Variants in GRID2 observed in about 807,000 individuals in gnomAD.
GRID2 encodes glutamate ionotropic receptor delta type subunit 2.
GRID2 carries 33 observed loss-of-function variants against 114.8 expected under a neutral mutation model. The observed-to-expected ratio is 0.29, with a 90% CI of 0.22 to 0.38. GRID2 has a LOEUF of 0.38. Ranked by LOEUF, GRID2 falls within the 10% of genes least tolerant of loss-of-function variation. The probability of loss-of-function intolerance (pLI) is 1.00; values close to 1 mark genes in which losing one functional copy is unlikely to be tolerated. For missense variants in GRID2, 1,184 were observed against 1,257.7 expected, an observed-to-expected ratio of 0.94 and a Z score of 0.89; for synonymous variants, 505 against 449.9, an observed-to-expected ratio of 1.12 and a Z score of -1.55.
intron 2 of GRID2, among the ~76,000 whole-genome samples, chr4:92,665,999 T>A (rs952282440): frequency 6.6e-6 from 1 of 151,510 alleles, no homozygotes; most frequent in Non-Finnish European, 1.5e-5. Context: ...ATTTAAATAT[T>A]TTCTCTGCCT....
At chr4:93,216,985 C>T in intron 6 of GRID2, 74 bp downstream of exon 6, 1 of 968,616 alleles carries the variant, frequency 1.0e-6, no homozygotes, top group Admixed American at 1.8e-5. Context: ...TTATGAGTTG[C>T]ATTGGATTCA....
intron 2 of GRID2, among the ~76,000 whole-genome samples, chr4:92,865,834 T>G (rs750648526): frequency 2.6e-5 from 4 of 152,172 alleles, no homozygotes; most frequent in Non-Finnish European, 5.9e-5. Flanking sequence ...AAAGCAAAAA[T>G]ACTCTTGTTT....
Position 93,592,037 on chromosome 4 carries a change from A to T in GRID2, c.2194-34232A>T, listed in dbSNP as rs374523904. 2.0e-4 allele frequency among the ~76,000 whole-genome samples: 30 copies of T among 151,770 alleles called. No individual in the cohort carries two copies. The South Asian group carries it at 2.1e-3, about 10-fold the overall frequency. ...TGGATTCATTAATTTTTTGAAGGGTATTTTGTGTCTCTATTTCCTTCAGTT... is the reference window on the plus strand; with the variant it reads ...TGGATTCATTAATTTTTTGAAGGGTTTTTTGTGTCTCTATTTCCTTCAGTT... On this transcript the variant is annotated intron_variant, in intron 13 of 15. Transcript: ENST00000282020.
At chr4:93,569,754 ATT>A (rs1214179784) in intron 13 of GRID2, among the ~76,000 whole-genome samples, 1 of 151,884 alleles carries the variant, frequency 6.6e-6, no homozygotes, top group Non-Finnish European at 1.5e-5. Context: ...TTCCATGTGT[ATT>A]TCACCTCAAA....
At chr4:92,478,946 A>G (rs568681031) in intron 1 of GRID2, among the ~76,000 whole-genome samples, 7 of 152,188 alleles carry the variant, frequency 4.6e-5, no homozygotes, top group South Asian at 4.1e-4. Context: ...GACATCTCCA[A>G]TGATTTCTCA....
chr4:92,918,376 T>G (rs1749004003), intron 2 of GRID2, among the ~76,000 whole-genome samples: 1 of 152,166 alleles, frequency 6.6e-6, no homozygotes, highest in African/African-American at 2.4e-5. Context: ...TGGCCAGAAC[T>G]TCCAACACTA....
chr4:93,368,691 AG>A (rs1762580447), intron 8 of GRID2, among the ~76,000 whole-genome samples: 2 of 152,130 alleles, frequency 1.3e-5, no homozygotes, highest in Non-Finnish European at 2.9e-5. Context: ...GCTAATGAAA[AG>A]CTAGTCAGCA....
At chr4:92,794,905 T>TATATATATATATATATATACACAC (rs745392261) in intron 2 of GRID2, among the ~76,000 whole-genome samples, 4 of 127,810 alleles carry the variant, frequency 3.1e-5, no homozygotes, top group African/African-American at 1.2e-4. Context: ...TATATATATA[T>TATATATATATATATATATACACAC]ACACACACAC....
At chr4:93,729,948 C>A (rs1353506962) in intron 14 of GRID2, among the ~76,000 whole-genome samples, 1 of 152,170 alleles carries the variant, frequency 6.6e-6, no homozygotes, top group Admixed American at 6.5e-5. Flanking sequence ...ACTGTGCTTT[C>A]TTTTCATCCC....
intron 4 of GRID2, among the ~76,000 whole-genome samples, chr4:93,116,029 TA>T (rs1733212987): frequency 6.6e-6 from 1 of 152,190 alleles, no homozygotes; most frequent in Non-Finnish European, 1.5e-5. Context: ...TGTCATCTCT[TA>T]CCTACCTTTT....
chr4:92,673,252 G>T (rs935129440), intron 2 of GRID2, among the ~76,000 whole-genome samples: 1 of 151,796 alleles, frequency 6.6e-6, no homozygotes, highest in Non-Finnish European at 1.5e-5. Flanking sequence ...TCAATCTTTT[G>T]GATAAATATA....
At chr4:93,058,328 C>T (rs757226606) in intron 2 of GRID2, among the ~76,000 whole-genome samples, 3 of 151,936 alleles carry the variant, frequency 2.0e-5, no homozygotes, top group African/African-American at 7.2e-5. Flanking sequence ...CTATACTTTA[C>T]AGTAAAGTGA....
chr4:93,497,669 C>T (rs768283457), intron 12 of GRID2, among the ~76,000 whole-genome samples: 1 of 151,558 alleles, frequency 6.6e-6, no homozygotes, highest in Non-Finnish European at 1.5e-5. Context: ...GTTGGCCATA[C>T]TATGTGAGTC....
intron 1 of GRID2, among the ~76,000 whole-genome samples, chr4:92,557,241 C>T (rs1035804292): frequency 2.0e-5 from 3 of 151,664 alleles, no homozygotes; most frequent in Non-Finnish European, 2.9e-5. Flanking sequence ...ACACAAGTAA[C>T]CAGATTTTCA....
intron 2 of GRID2, among the ~76,000 whole-genome samples, chr4:93,024,092 C>T (rs561293353): frequency 7.9e-5 from 12 of 151,828 alleles, no homozygotes; most frequent in African/African-American, 2.9e-4. Context: ...AATAAAAAGC[C>T]AGATACGGAA....
intron 9 of GRID2, among the ~76,000 whole-genome samples, chr4:93,398,129 G>GTA (rs1765513758): frequency 3.5e-5 from 4 of 113,152 alleles, no homozygotes; most frequent in African/African-American, 1.7e-4. Context: ...ATGTATGTGT[G>GTA]TGTGTATATA....
intron 8 of GRID2, among the ~76,000 whole-genome samples, chr4:93,274,010 A>G (rs944122830): frequency 6.6e-6 from 1 of 151,638 alleles, no homozygotes; most frequent in Non-Finnish European, 1.5e-5. Flanking sequence ...TTATAATGCA[A>G]ATTAAGATCT....
intron 2 of GRID2, among the ~76,000 whole-genome samples, chr4:93,037,514 C>T (rs913925391): frequency 2.6e-5 from 4 of 152,138 alleles, no homozygotes; most frequent in South Asian, 2.1e-4. Context: ...AGTCCTTGCC[C>T]ATGCCTATGT....
intron 1 of GRID2, among the ~76,000 whole-genome samples, chr4:92,530,405 C>A: frequency 6.7e-6 from 1 of 150,106 alleles, no homozygotes; most frequent in African/African-American, 2.5e-5. Flanking sequence ...TAAAAATCAC[C>A]CTAACGTTTT....
Sources: gnomAD v4.1 joint callset for allele counts (sites outside exome capture counted in the v4.1 genomes callset) on GRCh38, gnomAD v4.1.1 for gene constraint, MANE v1.5 for transcripts, NCBI Gene and HGNC (gene_info 2026-07-23, HGNC 2026-07-21) for gene names.